The following ATXN10 variants were observed in gnomAD, a reference collection of about 807,000 sequenced individuals.
The protein encoded by ATXN10 is ataxin-10.
In ATXN10, 28 loss-of-function variants were observed where a neutral mutation model predicts 52.9. The observed-to-expected ratio is 0.53, with a 90% CI of 0.39 to 0.73. The LOEUF (loss-of-function observed/expected upper bound fraction) is 0.73. ATXN10 is among the 30% of genes least tolerant of loss of function. The pLI, the probability that ATXN10 is intolerant of heterozygous loss-of-function variation, is 0.00. For missense variants in ATXN10, 565 were observed against 577.0 expected, an observed-to-expected ratio of 0.98 and a Z score of 0.21; for synonymous variants, 226 against 221.5, an observed-to-expected ratio of 1.02 and a Z score of -0.18.
Position 45,689,891 on chromosome 22 carries a change from A to C in ATXN10, c.296A>C (p.Gln99Pro). 1 of 1,614,176 alleles carries C rather than the reference A, an allele frequency of 6.2e-7. No homozygotes were observed. Among genetic ancestry groups the C allele is most frequent in the Non-Finnish European group, 8.5e-7 (1 of 1,180,032 alleles). Residue 99 changes from glutamine to proline, a missense_variant, in exon 2 of 12, where the codon CAG (glutamine) becomes CCG (proline). Physicochemically the swap from Gln to Pro is moderately conservative, Grantham distance 76. Transcript: ENST00000252934. Reference sequence around the variant, plus strand: ...GCTTGCATAGAGTGTTCTGTGAACCAGAATTCAATCAGGTAGTTACACACG... The same window carrying C: ...GCTTGCATAGAGTGTTCTGTGAACCCGAATTCAATCAGGTAGTTACACACG... ...RNACIECSVN[Q>P]NSIRNLDTIG...
intron 7 of ATXN10, among the ~76,000 whole-genome samples, chr22:45,735,885 T>C (rs1925277250): frequency 1.3e-5 from 2 of 149,624 alleles, no homozygotes; most frequent in Non-Finnish European, 3.0e-5. Context: ...CTTTTAAATA[T>C]CTGGAAGGGC....
chr22:45,832,267 G>C (rs1357129830), intron 10 of ATXN10, among the ~76,000 whole-genome samples: 1 of 152,164 alleles, frequency 6.6e-6, no homozygotes, highest in Non-Finnish European at 1.5e-5. Context: ...ACTGACCTCT[G>C]CTTCTTTTTA....
At chr22:45,751,763 A>ATAATAATAATAATAAT (rs1555892689) in intron 9 of ATXN10, among the ~76,000 whole-genome samples, 11 of 66,614 alleles carry the variant, frequency 1.7e-4, no homozygotes, top group Non-Finnish European at 2.6e-4. Context: ...AATAAAAAAA[A>ATAATAATAATAATAAT]AATAATAATA....
Position 45,843,559 on chromosome 22 carries a change from A to G in ATXN10, c.1426-110A>G. The stretch of plus-strand genomic sequence containing the variant: ...TGCATGAATTGTTTTAGGTTTCTCT[A>G]AGTTATTTGTCACCACTGACCAAAG... On this transcript the variant is annotated intron_variant, in intron 11 of 11. Transcript: ENST00000252934. The surrounding 1 kb of genome is among the most constrained non-coding windows in gnomAD (Gnocchi z 4.5). 1 of 968,446 alleles carries G rather than the reference A, an allele frequency of 1.0e-6. No individual in the cohort carries two copies. The highest frequency in any genetic ancestry group is 1.4e-5 in the South Asian group (1 of 72,828). The allele number at this position is 968,446 out of a possible 1,614,324, so 60.0% of individuals were successfully genotyped here.
intron 3 of ATXN10, among the ~76,000 whole-genome samples, chr22:45,697,790 C>T (rs1209733594): frequency 6.6e-6 from 1 of 152,130 alleles, no homozygotes; most frequent in African/African-American, 2.4e-5. Context: ...GCCACCACGC[C>T]CAGCTAATTT....
At chr22:45,709,003 A>G (rs562193919) in intron 5 of ATXN10, among the ~76,000 whole-genome samples, 1 of 152,322 alleles carries the variant, frequency 6.6e-6, no homozygotes, top group East Asian at 1.9e-4. Context: ...TATAACTGGG[A>G]GCAAAGCATT....
intron 9 of ATXN10, among the ~76,000 whole-genome samples, chr22:45,743,404 G>A (rs779995784): frequency 5.3e-5 from 8 of 152,170 alleles, no homozygotes; most frequent in Non-Finnish European, 1.2e-4. Flanking sequence ...TTCCAGCTGG[G>A]TGTTACAGAT....
chr22:45,746,421 A>T (rs1925728029), intron 9 of ATXN10, among the ~76,000 whole-genome samples: 1 of 152,076 alleles, frequency 6.6e-6, no homozygotes, highest in Non-Finnish European at 1.5e-5. Context: ...GATTTTATTT[A>T]GGTTGTTGCT....
rs966911831 is a variant in ATXN10 at position 45,805,983 on chromosome 22, T to C, written c.1174-976T>C. On this transcript the variant is annotated intron_variant, in intron 9 of 11. Coordinates refer to ENST00000252934, the MANE Select transcript of ATXN10 (RefSeq NM_013236.4). The surrounding 1 kb of genome is among the most constrained non-coding windows in gnomAD (Gnocchi z 4.4). ...TTTGAGACCAGCCTGGGCAACATAG[T>C]GAGACCTCATCTTTACAAAAAAATA... 1.3e-5 allele frequency among the ~76,000 whole-genome samples: 2 copies of C among 152,184 alleles called. No individual in the cohort carries two copies. Among genetic ancestry groups the C allele is most frequent in the African/African-American group, 2.4e-5 (1 of 41,448 alleles).
chr22:45,684,649 C>G lies in ATXN10; in HGVS notation c.117-5063C>G, dbSNP rs1306600506. Reference sequence around the variant, plus strand: ...GAGAGTGTGACAGAGGCTGTTTGGCCATCAGAGCTGGAAATATTCACTCTC... The same window carrying G: ...GAGAGTGTGACAGAGGCTGTTTGGCGATCAGAGCTGGAAATATTCACTCTC... On this transcript the variant is annotated intron_variant, in intron 1 of 11. Coordinates refer to ENST00000252934, the MANE Select transcript of ATXN10 (RefSeq NM_013236.4). This position sits in a 1 kb window ranked among gnomAD's most constrained non-coding sequence, Gnocchi z 4.1. Among the ~76,000 whole-genome samples, 1 of 152,080 alleles carries G rather than the reference C, an allele frequency of 6.6e-6. No individual in the cohort carries two copies. Among genetic ancestry groups the G allele is most frequent in the Non-Finnish European group, 1.5e-5 (1 of 68,032 alleles).
chr22:45,703,775 T>G (rs1569029262), intron 5 of ATXN10, among the ~76,000 whole-genome samples: 4 of 152,208 alleles, frequency 2.6e-5, no homozygotes, highest in African/African-American at 9.7e-5. Context: ...CCTTCTTGAC[T>G]GTTTAAAGAG....
At chr22:45,709,446 G>A (rs747030988) in intron 5 of ATXN10, among the ~76,000 whole-genome samples, 22 of 152,132 alleles carry the variant, frequency 1.4e-4, no homozygotes, top group Non-Finnish European at 2.4e-4. Flanking sequence ...GTGAAGGCAC[G>A]GTGAATCCAG....
chr22:45,770,926 T>C lies in ATXN10; in HGVS notation c.1173+30388T>C, dbSNP rs1396248329. On this transcript the variant is annotated intron_variant, in intron 9 of 11. Coordinates refer to ENST00000252934, the MANE Select transcript of ATXN10 (RefSeq NM_013236.4). This position sits in a 1 kb window ranked among gnomAD's most constrained non-coding sequence, Gnocchi z 4.5. Reference sequence around the variant, plus strand: ...GAGAGAGGACAGAGCCACAGAGCCTTCTCAGAGAGAAGAACCCAGATCCAT... The same window carrying C: ...GAGAGAGGACAGAGCCACAGAGCCTCCTCAGAGAGAAGAACCCAGATCCAT... Among the ~76,000 whole-genome samples the C allele has an allele frequency of 6.6e-6, 1 of 152,140 alleles. No individual in the cohort carries two copies. Among genetic ancestry groups the C allele is most frequent in the Non-Finnish European group, 1.5e-5 (1 of 68,012 alleles).
chr22:45,711,684 CAAAAT>C (rs555511771), intron 5 of ATXN10, among the ~76,000 whole-genome samples: 179 of 152,150 alleles, frequency 1.2e-3, no homozygotes, highest in African/African-American at 4.3e-3. Context: ...ACAATGATCT[CAAAAT>C]AAAAATATTT....
rs566775268 is a variant in ATXN10 at position 45,818,424 on chromosome 22, C to T, written c.1237+11402C>T. On this transcript the variant is annotated intron_variant, in intron 10 of 11. Transcript: ENST00000252934. This position sits in a 1 kb window ranked among gnomAD's most constrained non-coding sequence, Gnocchi z 4.6. ...TCCCTGGCTCTCAGGAGTCAAAGCG[C>T]ATCTGGTTCTGCTTGTCTGGTTTAC... Among the ~76,000 whole-genome samples, 1 of 152,140 alleles carries T rather than the reference C, an allele frequency of 6.6e-6. No individual in the cohort carries two copies. Among genetic ancestry groups the T allele is most frequent in the Non-Finnish European group, 1.5e-5 (1 of 68,044 alleles).
rs1041272307 is a variant in ATXN10 at position 45,786,308 on chromosome 22, C to G, written c.1174-20651C>G. Among the ~76,000 whole-genome samples the G allele has an allele frequency of 1.3e-5, 2 of 152,206 alleles. No homozygotes were observed. Among genetic ancestry groups the G allele is most frequent in the Admixed American group, 6.5e-5 (1 of 15,288 alleles). ...GGAGAATGCTACTCACTACTTTACC[C>G]TATTGAGTTTTGCCATAGAACTGTA... is the stretch of plus-strand genomic sequence containing the variant. On this transcript the variant is annotated intron_variant, in intron 9 of 11. Coordinates refer to ENST00000252934, the MANE Select transcript of ATXN10 (RefSeq NM_013236.4). The surrounding 1 kb of genome is among the most constrained non-coding windows in gnomAD (Gnocchi z 4.1).
At chr22:45,798,464 A>T (rs1927821723) in intron 9 of ATXN10, among the ~76,000 whole-genome samples, 1 of 152,222 alleles carries the variant, frequency 6.6e-6, no homozygotes, top group South Asian at 2.1e-4. Flanking sequence ...AGCATTCGGA[A>T]CAAAATTTAC....
intron 5 of ATXN10, among the ~76,000 whole-genome samples, chr22:45,703,751 C>T (rs1345671513): frequency 6.6e-6 from 1 of 152,184 alleles, no homozygotes; most frequent in Non-Finnish European, 1.5e-5. Context: ...TGAGGTATCC[C>T]ACTCCTGAGG....
chr22:45,843,903 G>T lies in ATXN10; in HGVS notation c.*232G>T. On this transcript the variant is annotated 3_prime_UTR_variant, in exon 12 of 12. Transcript: ENST00000252934. The surrounding 1 kb of genome is among the most constrained non-coding windows in gnomAD (Gnocchi z 4.5). ...TGGTTTGCCTTTGTCCCCCTGGATA[G>T]AACGTGCATTTAAAGAATATATTGT... The T allele has an allele frequency of 1.7e-6, 1 of 581,748 alleles. No homozygotes were observed. Among genetic ancestry groups the T allele is most frequent in the Non-Finnish European group, 3.1e-6 (1 of 327,502 alleles). The allele number at this position is 581,748 out of a possible 1,614,324, so 36.0% of individuals were successfully genotyped here. A position where few individuals can be genotyped will look rare whatever the true frequency, so the allele number is the denominator to read the frequency against.
Sources: gnomAD v4.1 joint callset for allele counts (sites outside exome capture counted in the v4.1 genomes callset) on GRCh38, gnomAD v4.1.1 for gene constraint, Gnocchi (gnomAD v3.1) non-coding constraint, MANE v1.5 for transcripts, NCBI Gene and HGNC (gene_info 2026-07-23, HGNC 2026-07-21) for gene names.